RGS3: variants seen among roughly 807,000 people sequenced by gnomAD.
RGS3 encodes the protein regulator of G protein signaling 3.
In RGS3, 80 loss-of-function variants were observed where a neutral mutation model predicts 132.6. The observed-to-expected ratio is 0.60, with a 90% CI of 0.50 to 0.73. The LOEUF (loss-of-function observed/expected upper bound fraction) is 0.73. RGS3 is among the 30% of genes least tolerant of loss of function. The probability of loss-of-function intolerance (pLI) is 0.00; values close to 1 mark genes in which losing one functional copy is unlikely to be tolerated. For synonymous variants in RGS3, 598 were observed against 620.6 expected (o/e 0.96, Z 0.54); for missense variants, 1,382 against 1,530.8 (o/e 0.90, Z 1.62).
exon 2 of RGS3, chr9:113,461,839 T>C: frequency 6.2e-7 from 1 of 1,613,842 alleles, no homozygotes; most frequent in Non-Finnish European, 8.5e-7. Context: ...TCTACAGTGG[T>C]CCCTGGCGAA....
Position 113,583,957 on chromosome 9 carries a change from GC to G in RGS3, c.2550del (p.Arg851GlyfsTer5). 1 of 1,614,080 alleles carries G rather than the reference GC, an allele frequency of 6.2e-7. No homozygotes were observed. The highest frequency in any genetic ancestry group is 8.5e-7 in the Non-Finnish European group (1 of 1,179,946). On this transcript the variant is annotated frameshift_variant, in exon 20 of 25. Coordinates refer to ENST00000350696, the Ensembl canonical transcript of RGS3. LOFTEE classifies it high-confidence loss of function. Reference sequence around the variant, plus strand: ...AGCAGCTACTGGGGACCCACCTGCGGCCCCCAGGCCAGCCTTCGTGATCCCT... The same window carrying G: ...AGCAGCTACTGGGGACCCACCTGCGGCCCCAGGCCAGCCTTCGTGATCCCT...
At chr9:113,484,207 C>G in exon 6 of RGS3, 1 of 1,611,616 alleles carries the variant, frequency 6.2e-7, no homozygotes. Flanking sequence ...CTGCAGAGAC[C>G]CGGCTTTCCA....
At chr9:113,583,963 A>C (rs752964871) in exon 20 of RGS3, 4 of 1,613,982 alleles carry the variant, frequency 2.5e-6, no homozygotes, top group Middle Eastern at 1.6e-4. Context: ...TGCGGCCCCC[A>C]GGCCAGCCTT....
At chr9:113,479,085 A>C (rs1479679094) in intron 3 of RGS3, 1 of 190,598 alleles carries the variant, frequency 5.2e-6, no homozygotes, top group Admixed American at 5.4e-5. Flanking sequence ...GAATATGCAC[A>C]TTTAAATTTC....
At chr9:113,593,826 C>T (rs961501162) in intron 21 of RGS3, 5 of 1,268,876 alleles carry the variant, frequency 3.9e-6, no homozygotes, top group Non-Finnish European at 5.5e-6. Flanking sequence ...GTCCTGCCAC[C>T]CCGGTGGTGG....
At chr9:113,502,153 G>A (rs1830928912) in intron 10 of RGS3, among the ~76,000 whole-genome samples, 1 of 152,162 alleles carries the variant, frequency 6.6e-6, no homozygotes, top group Admixed American at 6.5e-5. Flanking sequence ...CAACTTTACA[G>A]TGAGGGTTTG....
In RGS3 at chr9:113,562,020, C is replaced by G. The variant is rs536354631; in HGVS notation, c.2038-21430C>G. 2.0e-5 allele frequency among the ~76,000 whole-genome samples: 3 copies of G among 152,336 alleles called. No homozygotes were observed. The South Asian group carries it at 6.2e-4, about 32-fold the overall frequency. ...CTGTGTGGTTGGGCTGTACAGTTCT[C>G]TGTGTAACTGATGGGCTCATCTGTT... On this transcript the variant is annotated intron_variant, in intron 19 of 24. Transcript: ENST00000350696.
At chr9:113,461,248 AC>A (rs1264132143) in intron 1 of RGS3, among the ~76,000 whole-genome samples, 2 of 152,100 alleles carry the variant, frequency 1.3e-5, no homozygotes, top group East Asian at 3.9e-4. Flanking sequence ...AGGTGGAAGA[AC>A]CCCAGGGGGT....
chr9:113,484,931 A>G (rs770487823), intron 6 of RGS3, among the ~76,000 whole-genome samples: 21 of 152,326 alleles, frequency 1.4e-4, no homozygotes, highest in Admixed American at 2.6e-4. Flanking sequence ...GAAAACACCT[A>G]TAGCCCTCCT....
At chr9:113,457,153 G>A (rs72760096), upstream of RGS3, among the ~76,000 whole-genome samples, 24,136 of 152,068 alleles carry the variant, frequency 0.16, 2,063 homozygotes, top group African/African-American at 0.2. Flanking sequence ...ATTCCCTCAC[G>A]TTCTAAGTTC....
intron 19 of RGS3, among the ~76,000 whole-genome samples, chr9:113,553,488 A>ATG (rs1564562709): frequency 8.1e-6 from 1 of 123,272 alleles, no homozygotes; most frequent in African/African-American, 3.1e-5. Context: ...ATATATATAT[A>ATG]TATGTATATA....
At chr9:113,577,765 C>T (rs948290750) in intron 19 of RGS3, among the ~76,000 whole-genome samples, 1 of 152,218 alleles carries the variant, frequency 6.6e-6, no homozygotes, top group African/African-American at 2.4e-5. Context: ...AGCCATTCCA[C>T]AGGGCGGCCT....
At chr9:113,553,457 AAAATATATAT>A (rs1344790835) in intron 19 of RGS3, among the ~76,000 whole-genome samples, 1 of 90,916 alleles carries the variant, frequency 1.1e-5, no homozygotes, top group African/African-American at 4.6e-5. Context: ...AAAAAAAAAA[AAAATATATAT>A]ATATATATAT....
chr9:113,594,498 C>G (rs374543370), exon 22 of RGS3: 1 of 1,613,580 alleles, frequency 6.2e-7, no homozygotes, highest in Non-Finnish European at 8.5e-7. Context: ...GCCCCTCCCG[C>G]GGGCAAGGCA....
intron 20 of RGS3, 134 bp downstream of exon 18, chr9:113,584,561 T>C (rs1321365899): frequency 9.4e-5 from 96 of 1,020,774 alleles, no homozygotes; most frequent in Non-Finnish European, 1.3e-4. Context: ...TTTCCACCTG[T>C]TGGACAGAAG....
chr9:113,585,164 G>C (rs925787997), intron 20 of RGS3, among the ~76,000 whole-genome samples: 2 of 152,232 alleles, frequency 1.3e-5, no homozygotes, highest in African/African-American at 4.8e-5. Flanking sequence ...AGAGAAATAA[G>C]TTAACTGTGT....
chr9:113,510,087 C>G (rs7864069), intron 14 of RGS3, among the ~76,000 whole-genome samples: 14 of 151,812 alleles, frequency 9.2e-5, no homozygotes, highest in African/African-American at 1.2e-4. Context: ...CTCTCACCCC[C>G]CTCCCATCCT....
chr9:113,582,323 A>C, intron 19 of RGS3: 1 of 590,508 alleles, frequency 1.7e-6, no homozygotes, highest in Non-Finnish European at 2.1e-6. Context: ...CTCTTAACCC[A>C]TGTTCTGGGG....
At position 113,505,379 on chromosome 9, in the gene RGS3, G is replaced by C; in HGVS notation, c.898-63G>C. 2.7e-6 allele frequency: 4 copies of C among 1,494,168 alleles called. No homozygotes were observed. In the South Asian group the frequency reaches 4.6e-5, roughly 17 times the overall value. 92.6% of individuals were successfully genotyped at this position (1,494,168 alleles called of 1,614,324 possible). On this transcript the variant is annotated intron_variant, in intron 10 of 24. Transcript: ENST00000350696. The stretch of plus-strand genomic sequence containing the variant: ...GGCAGGGGTGGGCTGTGGGCTTCCT[G>C]ACCTTGGGGTAGAGGCAAGAGCCTC...
Sources: allele counts gnomAD v4.1 joint callset (sites outside exome capture counted in the v4.1 genomes callset), GRCh38; gene constraint gnomAD v4.1.1; transcripts MANE v1.5; gene names NCBI Gene and HGNC (gene_info 2026-07-23, HGNC 2026-07-21).